Variants in SAMMSON observed in about 807,000 individuals in gnomAD.
The protein encoded by SAMMSON is long intergenic non-protein coding RNA 1212.
At chr3:70,272,176 A>G (rs1174267330) in intron 6 of SAMMSON, 2 of 152,350 alleles carry the variant, frequency 1.3e-5, no homozygotes, top group South Asian at 2.1e-4. Context: ...AATAAAATGT[A>G]CCCATTCCAA....
intron 9 of SAMMSON, among the ~76,000 whole-genome samples, chr3:70,386,840 A>G (rs1029338082): frequency 6.6e-6 from 1 of 152,108 alleles, no homozygotes; most frequent in Non-Finnish European, 1.5e-5. Context: ...TAATGAAAAA[A>G]AATGACACAC....
intron 4 of SAMMSON, among the ~76,000 whole-genome samples, chr3:70,202,081 T>TA (rs1477703829): frequency 6.6e-6 from 1 of 152,152 alleles, no homozygotes; most frequent in Admixed American, 6.5e-5. Flanking sequence ...GTCTATCTGA[T>TA]AGTGGTTAGT....
intron 4 of SAMMSON, among the ~76,000 whole-genome samples, chr3:70,220,821 C>A (rs951314037): frequency 5.3e-5 from 8 of 152,148 alleles, no homozygotes; most frequent in Non-Finnish European, 1.0e-4. Flanking sequence ...AAAAGAAGGT[C>A]ATTTCCTTTT....
rs540752929 is a variant in SAMMSON, at chr3:70,025,716, C to T, written n.417+12044C>T. Among the ~76,000 whole-genome samples, 3 of 152,316 alleles carry T rather than the reference C, an allele frequency of 2.0e-5. No homozygotes were observed. In the East Asian group the frequency reaches 5.8e-4, roughly 29 times the overall value. ...AACTTTTGACTCACTACAAACTTAA[C>T]TACAATAGCCTTCTGCTGGCCAGAA... On this transcript the variant is annotated intron_variant and non_coding_transcript_variant, in intron 3 of 9. Transcript: ENST00000642114.
intron 7 of SAMMSON, among the ~76,000 whole-genome samples, chr3:70,322,775 T>C (rs1702547098): frequency 6.6e-6 from 1 of 152,152 alleles, no homozygotes; most frequent in African/African-American, 2.4e-5. Context: ...TATTTGATCT[T>C]ATCTGAGATA....
intron 4 of SAMMSON, among the ~76,000 whole-genome samples, chr3:70,075,950 T>G (rs1265683323): frequency 6.6e-6 from 1 of 151,922 alleles, no homozygotes; most frequent in Admixed American, 6.6e-5. Context: ...ACCATAACTT[T>G]ACCCATATAT....
At chr3:70,347,646 C>T (rs1575630788) in intron 7 of SAMMSON, among the ~76,000 whole-genome samples, 1 of 152,292 alleles carries the variant, frequency 6.6e-6, no homozygotes, top group Non-Finnish European at 1.5e-5. Flanking sequence ...TACTTGGATA[C>T]AGACAGCAGT....
At chr3:70,153,616 C>A (rs777582248) in intron 4 of SAMMSON, among the ~76,000 whole-genome samples, 1 of 152,018 alleles carries the variant, frequency 6.6e-6, no homozygotes, top group Admixed American at 6.6e-5. Flanking sequence ...TCAGGGAAAA[C>A]TACATTTAAC....
chr3:70,427,616 T>C (rs1284162537), intron 2 of SAMMSON, among the ~76,000 whole-genome samples: 16 of 151,930 alleles, frequency 1.1e-4, no homozygotes, highest in Admixed American at 1.0e-3. Context: ...CGCGCGCCTG[T>C]AGTCCCAGCT....
intron 7 of SAMMSON, among the ~76,000 whole-genome samples, chr3:70,301,105 G>T (rs1702344275): frequency 1.3e-5 from 2 of 152,016 alleles, no homozygotes; most frequent in Non-Finnish European, 2.9e-5. Context: ...AAGAGGCTGG[G>T]TGATAAAGAT....
intron 4 of SAMMSON, among the ~76,000 whole-genome samples, chr3:70,163,364 G>GAA (rs1176535825): frequency 2.7e-5 from 4 of 149,000 alleles, no homozygotes; most frequent in Non-Finnish European, 5.9e-5. Flanking sequence ...TAGAGAGAGA[G>GAA]AGAGAGAGAG....
chr3:70,022,445 A>AAAAAAAAAAAAAAAAAAAG (rs2067019520), intron 3 of SAMMSON, among the ~76,000 whole-genome samples: 1 of 150,734 alleles, frequency 6.6e-6, no homozygotes, highest in Non-Finnish European at 1.5e-5. Context: ...AAAAAAAAAA[A>AAAAAAAAAAAAAAAAAAAG]AAAAAGAAAT....
chr3:70,393,697 A>T (rs1050730759), downstream of SAMMSON, among the ~76,000 whole-genome samples: 1 of 152,126 alleles, frequency 6.6e-6, no homozygotes, highest in Admixed American at 6.6e-5. Context: ...GGAGTTGGCC[A>T]GGCAAAAAGT....
chr3:70,291,752 A>G (rs1165011591), intron 7 of SAMMSON: 4 of 152,228 alleles, frequency 2.6e-5, no homozygotes, highest in African/African-American at 7.2e-5. Flanking sequence ...GTTCAAGATG[A>G]TATGTCTTTT....
chr3:70,018,841 T>C (rs1167919770), intron 3 of SAMMSON, among the ~76,000 whole-genome samples: 3 of 152,184 alleles, frequency 2.0e-5, no homozygotes, highest in South Asian at 2.1e-4. Flanking sequence ...CGTTATGGAC[T>C]CAGTAGTCAT....
chr3:70,250,409 T>A (rs1701749833), intron 6 of SAMMSON, among the ~76,000 whole-genome samples: 1 of 126,222 alleles, frequency 7.9e-6, no homozygotes, highest in African/African-American at 3.1e-5. Context: ...TTTTAATGAA[T>A]CTCACACACA....
intron 3 of SAMMSON, among the ~76,000 whole-genome samples, chr3:70,021,649 A>G (rs1260933690): frequency 6.6e-6 from 1 of 152,024 alleles, no homozygotes; most frequent in Admixed American, 6.6e-5. Flanking sequence ...CGGCTCAAAG[A>G]TTTTCTCAGA....
At chr3:70,179,500 T>C (rs1454658446) in intron 4 of SAMMSON, among the ~76,000 whole-genome samples, 2 of 152,192 alleles carry the variant, frequency 1.3e-5, no homozygotes, top group African/African-American at 4.8e-5. Context: ...CACCTTGTCC[T>C]GTTGACCAGT....
intron 3 of SAMMSON, among the ~76,000 whole-genome samples, chr3:70,057,632 A>G (rs965624186): frequency 2.0e-5 from 3 of 151,824 alleles, no homozygotes; most frequent in Non-Finnish European, 4.4e-5. Context: ...AGCTATACAT[A>G]TGCATATACA....
Sources: gnomAD v4.1 joint callset for allele counts (sites outside exome capture counted in the v4.1 genomes callset) on GRCh38, gnomAD v4.1.1 for gene constraint, MANE v1.5 for transcripts, NCBI Gene and HGNC (gene_info 2026-07-23, HGNC 2026-07-21) for gene names.